PCDH11X: variants seen among roughly 807,000 people sequenced by gnomAD.
The protein encoded by PCDH11X is protocadherin 11 X-linked.
PCDH11X carries 18 observed loss-of-function variants against 53.3 expected under a neutral mutation model. The observed-to-expected ratio is 0.34, with a 90% CI of 0.23 to 0.50. PCDH11X has a LOEUF of 0.50. Ranked by LOEUF, PCDH11X falls within the 20% of genes least tolerant of loss-of-function variation. The pLI is 0.98. For synonymous variants in PCDH11X, 279 were observed against 393.3 expected, an observed-to-expected ratio of 0.71 and a Z score of 3.44; for missense variants, 570 against 1,032.4, an observed-to-expected ratio of 0.55 and a Z score of 6.14.
Position 92,516,989 on chromosome X carries a change from G to T in PCDH11X, c.3367+48667G>T, listed in dbSNP as rs762933031. ...TCTGACAATGACTTGCTAAATAAAA[G>T]AATGACTTTTTGTGAAAGATTGTGA... is the stretch of plus-strand genomic sequence containing the variant. On this transcript the variant is annotated intron_variant, in intron 10 of 10. Coordinates refer to ENST00000682573, the MANE Select transcript of PCDH11X (RefSeq NM_032968.5). 8.9e-5 allele frequency among the ~76,000 whole-genome samples: 10 copies of T among 112,348 alleles called. 1 individual carries two copies. In the South Asian group the frequency reaches 2.5e-3, roughly 28 times the overall value.
At chrX:92,326,939 C>A (rs2069351179) in intron 8 of PCDH11X, among the ~76,000 whole-genome samples, 1 of 108,953 alleles carries the variant, frequency 9.2e-6, no homozygotes, top group Non-Finnish European at 1.9e-5. Context: ...ATAAAACATT[C>A]CAATATGAAG....
At chrX:91,984,014 T>G (rs1384544592) in intron 6 of PCDH11X, among the ~76,000 whole-genome samples, 2 of 106,560 alleles carry the variant, frequency 1.9e-5, no homozygotes, top group African/African-American at 6.9e-5. Flanking sequence ...ATATGAAAAT[T>G]GCTTTTCAGT....
At chrX:92,052,596 A>G (rs5984858) in intron 6 of PCDH11X, among the ~76,000 whole-genome samples, 26,450 of 62,101 alleles carry the variant, frequency 0.43, 6,385 homozygotes, top group Non-Finnish European at 0.57. Context: ...GAGAAGATAC[A>G]CAGAATAGAC....
chrX:92,234,340 G>T lies in PCDH11X; in HGVS notation c.3115-28774G>T, dbSNP rs1376349165. On this transcript the variant is annotated intron_variant, in intron 7 of 10. Coordinates refer to ENST00000682573, the MANE Select transcript of PCDH11X (RefSeq NM_032968.5). ...GAGGTATGGGGCAACAGTTGCCAGG[G>T]TGGCAAATGAAGCAGCACTCACAAT... Among the ~76,000 whole-genome samples the T allele has an allele frequency of 3.6e-5, 4 of 111,751 alleles. No individual in the cohort carries two copies. In the Admixed American group the frequency reaches 3.8e-4, roughly 11 times the overall value.
chrX:92,596,425 T>G (rs1302055462), intron 10 of PCDH11X, among the ~76,000 whole-genome samples: 1 of 106,373 alleles, frequency 9.4e-6, no homozygotes, highest in Non-Finnish European at 1.9e-5. Flanking sequence ...ATTTTGACTA[T>G]GAGGAACTAT....
chrX:92,068,550 T>C (rs1214392077), intron 6 of PCDH11X, among the ~76,000 whole-genome samples: 1 of 110,149 alleles, frequency 9.1e-6, no homozygotes, highest in Non-Finnish European at 1.9e-5. Flanking sequence ...AGTACTATTA[T>C]TATTATTAAG....
intron 10 of PCDH11X, among the ~76,000 whole-genome samples, chrX:92,555,656 G>A (rs1251457941): frequency 1.8e-5 from 2 of 111,643 alleles, no homozygotes; most frequent in East Asian, 5.7e-4. Flanking sequence ...CAAAGCCATA[G>A]TTTCCCTTAT....
At chrX:92,587,240 A>G (rs1924493059) in intron 10 of PCDH11X, among the ~76,000 whole-genome samples, 1 of 111,254 alleles carries the variant, frequency 9.0e-6, no homozygotes, top group Admixed American at 9.6e-5. Context: ...ATTAAATGGA[A>G]CAGTTTGACT....
intron 10 of PCDH11X, among the ~76,000 whole-genome samples, chrX:92,496,812 A>C (rs1339379402): frequency 1.8e-5 from 2 of 108,369 alleles, no homozygotes; most frequent in Non-Finnish European, 3.8e-5. Context: ...CTCTTCTTAC[A>C]TGCCTTTGCA....
At chrX:92,049,687 T>C (rs1425832140) in intron 6 of PCDH11X, among the ~76,000 whole-genome samples, 5 of 111,850 alleles carry the variant, frequency 4.5e-5, no homozygotes, top group Non-Finnish European at 7.5e-5. Flanking sequence ...TAATTCTCCC[T>C]TGTCTTGTTT....
At chrX:91,799,886 C>T (rs185531199) in intron 1 of PCDH11X, among the ~76,000 whole-genome samples, 2,319 of 110,908 alleles carry the variant, frequency 0.021, 76 homozygotes, top group African/African-American at 0.074. Flanking sequence ...GCCAGGAGTT[C>T]GAAATCAGCC....
At chrX:92,217,543 T>A (rs1475712165) in intron 7 of PCDH11X, among the ~76,000 whole-genome samples, 9 of 100,311 alleles carry the variant, frequency 9.0e-5, no homozygotes, top group Admixed American at 5.5e-4. Flanking sequence ...GAGCACCCAG[T>A]TTCATAAAGC....
At chrX:92,035,439 T>C (rs2063114037) in intron 6 of PCDH11X, among the ~76,000 whole-genome samples, 1 of 108,019 alleles carries the variant, frequency 9.3e-6, no homozygotes. Context: ...GTTTTTTCCT[T>C]CAGCACTTTA....
At chrX:92,303,524 A>T (rs2068763695) in intron 8 of PCDH11X, among the ~76,000 whole-genome samples, 1 of 111,258 alleles carries the variant, frequency 9.0e-6, no homozygotes, top group Non-Finnish European at 1.9e-5. Context: ...TCTTGACAGG[A>T]AGTATGTCCA....
intron 8 of PCDH11X, among the ~76,000 whole-genome samples, chrX:92,286,432 G>C (rs183897928): frequency 8.2e-5 from 7 of 85,233 alleles, no homozygotes; most frequent in African/African-American, 3.2e-4. Context: ...TCCTCTTAAG[G>C]TTTTAAATAA....
At chrX:92,015,466 G>A (rs2062775062) in intron 6 of PCDH11X, among the ~76,000 whole-genome samples, 1 of 112,612 alleles carries the variant, frequency 8.9e-6, no homozygotes, top group Non-Finnish European at 1.9e-5. Flanking sequence ...CAAGATTTCA[G>A]TCAATCCTTT....
chrX:92,031,439 T>G (rs1206644813), intron 6 of PCDH11X, among the ~76,000 whole-genome samples: 2 of 107,378 alleles, frequency 1.9e-5, no homozygotes, highest in African/African-American at 6.9e-5. Context: ...TGATGTCTCT[T>G]CACTTGGCAA....
intron 4 of PCDH11X, among the ~76,000 whole-genome samples, chrX:91,822,441 G>C (rs1936726078): frequency 9.0e-6 from 1 of 110,874 alleles, no homozygotes; most frequent in Admixed American, 9.6e-5. Context: ...ATTTCTTCTA[G>C]ATTTTCTAGT....
chrX:92,373,135 T>A (rs964981871), intron 8 of PCDH11X, among the ~76,000 whole-genome samples: 2 of 107,500 alleles, frequency 1.9e-5, no homozygotes, highest in African/African-American at 6.8e-5. Flanking sequence ...ATAGAAGAAA[T>A]GTATACATAT....
Sources: allele counts gnomAD v4.1 joint callset (sites outside exome capture counted in the v4.1 genomes callset), GRCh38; gene constraint gnomAD v4.1.1; transcripts MANE v1.5; gene names NCBI Gene and HGNC (gene_info 2026-07-23, HGNC 2026-07-21).